Variants in SYT9 observed in about 807,000 individuals in gnomAD.
The protein encoded by SYT9 is synaptotagmin 9.
In SYT9, 22 loss-of-function variants were observed where a neutral mutation model predicts 48.4. The ratio of observed to expected loss-of-function variants is 0.45; its 90% CI spans 0.32 to 0.65. The LOEUF is 0.65. Among genes scored for constraint, SYT9 ranks in the 30% least tolerant of loss-of-function variants. The pLI, the probability that SYT9 is intolerant of heterozygous loss-of-function variation, is 0.03. For missense variants in SYT9, 577 were observed against 622.0 expected, an observed-to-expected ratio of 0.93 and a Z score of 0.77; for synonymous variants, 265 against 245.0, an observed-to-expected ratio of 1.08 and a Z score of -0.76.
At chr11:7,269,659 T>G (rs1848259461) in intron 1 of SYT9, among the ~76,000 whole-genome samples, 2 of 152,162 alleles carry the variant, frequency 1.3e-5, no homozygotes, top group Non-Finnish European at 2.9e-5. Context: ...TCGACCTGAG[T>G]CTACTCTTCT....
chr11:7,376,976 G>A (rs1850466490), intron 3 of SYT9, among the ~76,000 whole-genome samples: 1 of 150,408 alleles, frequency 6.6e-6, no homozygotes, highest in Non-Finnish European at 1.5e-5. Flanking sequence ...TTTCTTTCCA[G>A]TGTAATTATG....
chr11:7,406,904 T>C (rs1199044124), intron 3 of SYT9, among the ~76,000 whole-genome samples: 1 of 152,206 alleles, frequency 6.6e-6, no homozygotes, highest in Non-Finnish European at 1.5e-5. Context: ...GATAAGATGA[T>C]ATCTCAATGT....
intron 3 of SYT9, among the ~76,000 whole-genome samples, chr11:7,392,406 T>G (rs1218492503): frequency 6.6e-6 from 1 of 152,132 alleles, no homozygotes; most frequent in East Asian, 1.9e-4. Context: ...GTAGATCAGT[T>G]GGTTGTAGCT....
intron 6 of SYT9, among the ~76,000 whole-genome samples, chr11:7,442,486 C>T (rs2134135693): frequency 6.6e-6 from 1 of 152,352 alleles, no homozygotes; most frequent in Admixed American, 6.5e-5. Flanking sequence ...GCTGCCAACA[C>T]TGTGACTCTA....
chr11:7,319,475 A>G (rs2133962142), intron 3 of SYT9, among the ~76,000 whole-genome samples: 1 of 152,284 alleles, frequency 6.6e-6, no homozygotes, highest in South Asian at 2.1e-4. Flanking sequence ...TCCTTTGTAT[A>G]GGAATAAAAC....
At chr11:7,424,455 CACA>C (rs1158795590) in intron 6 of SYT9, among the ~76,000 whole-genome samples, 2 of 152,186 alleles carry the variant, frequency 1.3e-5, no homozygotes, top group Non-Finnish European at 2.9e-5. Flanking sequence ...CTGGCCATAT[CACA>C]ACACCTTTCC....
At chr11:7,285,525 A>G (rs1470531254) in intron 1 of SYT9, among the ~76,000 whole-genome samples, 2 of 152,172 alleles carry the variant, frequency 1.3e-5, no homozygotes, top group African/African-American at 2.4e-5. Context: ...GGGGACACAG[A>G]GCCAAACCAT....
chr11:7,373,970 C>T (rs1231726843), intron 3 of SYT9, among the ~76,000 whole-genome samples: 1 of 152,008 alleles, frequency 6.6e-6, no homozygotes, highest in Non-Finnish European at 1.5e-5. Flanking sequence ...ATGTGCAGAA[C>T]ATGCAGGTTT....
At chr11:7,339,022 G>T (rs1449812863) in intron 3 of SYT9, among the ~76,000 whole-genome samples, 1 of 152,120 alleles carries the variant, frequency 6.6e-6, no homozygotes, top group Non-Finnish European at 1.5e-5. Context: ...GAATCTGGGT[G>T]CTCCTGTGTT....
At chr11:7,320,251 G>C (rs1849314488) in intron 3 of SYT9, among the ~76,000 whole-genome samples, 1 of 152,078 alleles carries the variant, frequency 6.6e-6, no homozygotes, top group Admixed American at 6.6e-5. Flanking sequence ...TGCAGGAAAA[G>C]GTGGCTCAAA....
rs918719267 is a variant in SYT9 at position 7,244,809 on chromosome 11, G to A, written c.49+5893G>A. Among the ~76,000 whole-genome samples the A allele has an allele frequency of 8.5e-5, 13 of 152,338 alleles. No homozygotes were observed. In the Middle Eastern group the frequency reaches 0.01, roughly 120 times the overall value. ...ATCTAGCTCACAGGAACAGGGGTAA[G>A]GATGTGGTCTAAGAGCAGCATGAAA... On this transcript the variant is annotated intron_variant and NMD_transcript_variant, in intron 1 of 8. Transcript: ENST00000524820.
chr11:7,381,852 T>C (rs1850570673), intron 3 of SYT9, among the ~76,000 whole-genome samples: 1 of 152,192 alleles, frequency 6.6e-6, no homozygotes, highest in African/African-American at 2.4e-5. Context: ...ACTGCAGCTC[T>C]AGGATACAAG....
At chr11:7,379,459 TCC>T (rs1850518100) in intron 3 of SYT9, among the ~76,000 whole-genome samples, 1 of 152,118 alleles carries the variant, frequency 6.6e-6, no homozygotes, top group Non-Finnish European at 1.5e-5. Flanking sequence ...CTCCGTATCT[TCC>T]CCTCAGATAC....
chr11:7,305,948 C>T (rs1849022566), intron 2 of SYT9, among the ~76,000 whole-genome samples: 1 of 152,048 alleles, frequency 6.6e-6, no homozygotes, highest in African/African-American at 2.4e-5. Context: ...TGACACAGTG[C>T]CTTTTTGAAA....
At chr11:7,392,591 A>T (rs201977050) in intron 3 of SYT9, among the ~76,000 whole-genome samples, 1 of 148,176 alleles carries the variant, frequency 6.7e-6, no homozygotes, top group Non-Finnish European at 1.5e-5. Context: ...TGTTTTTTTT[A>T]TTTTTTGTTT....
At chr11:7,301,633 A>G (rs2133934947) in intron 1 of SYT9, among the ~76,000 whole-genome samples, 2 of 152,354 alleles carry the variant, frequency 1.3e-5, no homozygotes, top group Admixed American at 6.5e-5. Flanking sequence ...TGCGCCTATC[A>G]TGTTCCTCAT....
rs747273737 is a variant in SYT9, at chr11:7,388,400, T to C, written c.1045-27642T>C. On this transcript the variant is annotated intron_variant, in intron 3 of 6. Transcript: ENST00000318881. ...TTTTCTCTCCTGCCCCTTTCCTTTT[T>C]CTGTCTTGAAAGAGGGCTATTTTTA... Among the ~76,000 whole-genome samples, 33 of 152,292 alleles carry C rather than the reference T, an allele frequency of 2.2e-4. 1 individual carries two copies. The highest frequency in any genetic ancestry group is 4.1e-4 in the Non-Finnish European group (28 of 68,026).
chr11:7,270,440 C>A (rs908365534), intron 1 of SYT9, among the ~76,000 whole-genome samples: 4 of 152,142 alleles, frequency 2.6e-5, no homozygotes, highest in Admixed American at 1.3e-4. Context: ...AGTAGCCATT[C>A]TCAGTTCAGT....
At chr11:7,316,064 TG>T (rs11324310) in intron 3 of SYT9, among the ~76,000 whole-genome samples, 66,912 of 149,752 alleles carry the variant, frequency 0.45, 15,791 homozygotes, top group East Asian at 0.92. Flanking sequence ...TTTGGGGTTG[TG>T]GGGTTTTTTT....
Sources: gnomAD v4.1 joint callset for allele counts (sites outside exome capture counted in the v4.1 genomes callset) on GRCh38, gnomAD v4.1.1 for gene constraint, MANE v1.5 for transcripts, NCBI Gene and HGNC (gene_info 2026-07-23, HGNC 2026-07-21) for gene names.